Variants in KHDRBS2 observed in about 807,000 individuals in gnomAD.
The protein encoded by KHDRBS2 is KH RNA binding domain containing, signal transduction associated 2, also known as KH domain-containing, RNA-binding, signal transduction-associated protein 2.
Under a neutral mutation model 44.3 loss-of-function variants are expected in KHDRBS2, and 26 were observed. The ratio of observed to expected loss-of-function variants is 0.59; its 90% confidence interval spans 0.43 to 0.81. KHDRBS2 has a LOEUF of 0.81. Among genes scored for constraint, KHDRBS2 ranks in the 40% least tolerant of loss-of-function variants. KHDRBS2 has a pLI of 0.00. For missense variants in KHDRBS2, 476 were observed against 433.1 expected (o/e 1.10, Z -0.88); for synonymous variants, 194 against 151.1 (o/e 1.28, Z -2.08).
At chr6:61,956,621 A>G (rs1767385492) in intron 4 of KHDRBS2, among the ~76,000 whole-genome samples, 1 of 152,002 alleles carries the variant, frequency 6.6e-6, no homozygotes, top group Admixed American at 6.6e-5. Flanking sequence ...AAAGGCCACA[A>G]GGGGTTAATC....
At chr6:62,264,394 C>A (rs1247069168) in intron 1 of KHDRBS2, among the ~76,000 whole-genome samples, 1 of 151,796 alleles carries the variant, frequency 6.6e-6, no homozygotes, top group Non-Finnish European at 1.5e-5. Context: ...TATCCATAAT[C>A]ATTTTTTATT....
intron 7 of KHDRBS2, among the ~76,000 whole-genome samples, chr6:61,712,766 T>C (rs373494767): frequency 6.6e-6 from 1 of 151,820 alleles, no homozygotes; most frequent in South Asian, 2.1e-4. Context: ...GTAGCTATTA[T>C]TATTAGTAGT....
At chr6:61,923,809 G>C (rs1808484942) in intron 4 of KHDRBS2, among the ~76,000 whole-genome samples, 1 of 151,992 alleles carries the variant, frequency 6.6e-6, no homozygotes, top group South Asian at 2.1e-4. Flanking sequence ...TGGAGGTTCT[G>C]GCTAATTGAA....
Position 62,106,857 on chromosome 6 carries a change from A to G in KHDRBS2, c.220-58863T>C, listed in dbSNP as rs570869855. ...AGACAAAAACCACATGATTATCTCAATAGATGCAGAAAAGGCCTTTGACAA... is the reference window on the plus strand; with the variant it reads ...AGACAAAAACCACATGATTATCTCAGTAGATGCAGAAAAGGCCTTTGACAA... On this transcript the variant is annotated intron_variant, in intron 2 of 8. Transcript: ENST00000281156. Among the ~76,000 whole-genome samples the G allele has an allele frequency of 1.4e-3, 214 of 152,110 alleles. 1 individual carries two copies. Among genetic ancestry groups the G allele is most frequent in the African/African-American group, 4.9e-3 (204 of 41,464 alleles).
chr6:62,049,113 A>AT (rs895983355), intron 2 of KHDRBS2, among the ~76,000 whole-genome samples: 3 of 151,770 alleles, frequency 2.0e-5, no homozygotes, highest in Non-Finnish European at 2.9e-5. Context: ...CTTTTATTCA[A>AT]TTTTTTTACT....
At chr6:61,760,693 A>G (rs765617448) in intron 6 of KHDRBS2, among the ~76,000 whole-genome samples, 6 of 152,188 alleles carry the variant, frequency 3.9e-5, no homozygotes, top group African/African-American at 1.2e-4. Flanking sequence ...ATAGAAAATT[A>G]TACATCTTAG....
intron 1 of KHDRBS2, among the ~76,000 whole-genome samples, chr6:62,233,435 G>A (rs938614005): frequency 2.0e-5 from 3 of 152,050 alleles, no homozygotes; most frequent in Non-Finnish European, 2.9e-5. Context: ...ACATTTAAAG[G>A]AGATTTAATC....
chr6:61,950,075 G>T (rs560042543), intron 4 of KHDRBS2, among the ~76,000 whole-genome samples: 5 of 152,184 alleles, frequency 3.3e-5, no homozygotes, highest in East Asian at 3.9e-4. Flanking sequence ...CAACAGGAAG[G>T]TGGGGGATTG....
intron 6 of KHDRBS2, among the ~76,000 whole-genome samples, chr6:61,807,279 A>G (rs1158698854): frequency 6.6e-6 from 1 of 152,112 alleles, no homozygotes; most frequent in Non-Finnish European, 1.5e-5. Flanking sequence ...TCCTCAAGGA[A>G]CTTAAAGAAT....
At chr6:61,778,725 G>T (rs1346069311) in intron 6 of KHDRBS2, among the ~76,000 whole-genome samples, 5 of 152,064 alleles carry the variant, frequency 3.3e-5, no homozygotes, top group African/African-American at 9.7e-5. Context: ...AATGACATAT[G>T]CCAAACCCTT....
intron 3 of KHDRBS2, among the ~76,000 whole-genome samples, chr6:61,998,607 C>T (rs1228748273): frequency 6.6e-6 from 1 of 151,988 alleles, no homozygotes; most frequent in Non-Finnish European, 1.5e-5. Context: ...GATACGAGTT[C>T]CAGAAAACAT....
chr6:62,027,673 G>A (rs1284925730), intron 3 of KHDRBS2, among the ~76,000 whole-genome samples: 2 of 152,084 alleles, frequency 1.3e-5, no homozygotes, highest in East Asian at 3.9e-4. Context: ...CCTTGTCAAT[G>A]ATTTAATAAC....
intron 4 of KHDRBS2, among the ~76,000 whole-genome samples, chr6:61,929,549 T>G (rs1253214175): frequency 6.6e-6 from 1 of 152,148 alleles, no homozygotes; most frequent in Non-Finnish European, 1.5e-5. Flanking sequence ...ACATTAAACT[T>G]GCTGGGAAAT....
At chr6:61,563,833 C>T in the KHDRBS2 span, among the ~76,000 whole-genome samples, 1 of 152,050 alleles carries the variant, frequency 6.6e-6, no homozygotes, top group African/African-American at 2.4e-5. Context: ...AACAAAAAAG[C>T]TCACTGCAGT....
chr6:62,244,476 T>A (rs986719457), intron 1 of KHDRBS2, among the ~76,000 whole-genome samples: 8 of 152,158 alleles, frequency 5.3e-5, no homozygotes, highest in Admixed American at 5.2e-4. Context: ...AGTGTCAACA[T>A]TATGACATAA....
At chr6:61,579,702 T>C in the KHDRBS2 span, among the ~76,000 whole-genome samples, 134 of 152,308 alleles carry the variant, frequency 8.8e-4, 1 homozygote, top group African/African-American at 3.1e-3. Context: ...TGAGAATTTC[T>C]CTTGAATAGG....
intron 2 of KHDRBS2, among the ~76,000 whole-genome samples, chr6:62,162,225 T>A (rs1195923654): frequency 6.6e-6 from 1 of 152,076 alleles, no homozygotes; most frequent in East Asian, 1.9e-4. Context: ...TCTTTTAATT[T>A]CACCCTGAAG....
chr6:61,681,311 A>C (rs1766268225), intron 8 of KHDRBS2, among the ~76,000 whole-genome samples: 1 of 151,926 alleles, frequency 6.6e-6, no homozygotes, highest in South Asian at 2.1e-4. Flanking sequence ...CCCTGCCCAT[A>C]AAATCTTTTT....
the KHDRBS2 span, among the ~76,000 whole-genome samples, chr6:61,604,813 C>G: frequency 2.0e-5 from 3 of 152,154 alleles, no homozygotes; most frequent in African/African-American, 7.2e-5. Context: ...GTGTAGAGGC[C>G]TATCCCACAG....
Sources: allele counts gnomAD v4.1 joint callset (sites outside exome capture counted in the v4.1 genomes callset), GRCh38; gene constraint gnomAD v4.1.1; transcripts MANE v1.5; gene names NCBI Gene and HGNC (gene_info 2026-07-23, HGNC 2026-07-21).